The following COLEC10 variants were observed in gnomAD, a reference collection of about 807,000 sequenced individuals.
COLEC10 encodes collectin-10.
A neutral mutation model predicts 28.4 loss-of-function variants in COLEC10; 22 were observed. That is an observed-to-expected ratio of 0.78 (90% CI 0.55 to 1.11). The LOEUF is 1.11. Among genes scored for constraint, COLEC10 ranks in the 50% least tolerant of loss-of-function variants. The pLI, the probability that COLEC10 is intolerant of heterozygous loss-of-function variation, is 0.00. For missense variants in COLEC10, 361 were observed against 344.1 expected (o/e 1.05, Z -0.39); for synonymous variants, 125 against 116.1 (o/e 1.08, Z -0.49).
chr8:119,102,287 T>G lies in COLEC10; in HGVS notation c.293-61T>G. On this transcript the variant is annotated intron_variant, in intron 3 of 5. Transcript: ENST00000332843. ...TCATTCCCTTCCTTCCTTCCTTCCT[T>G]TTTTCCTTTCTTCTTTTATTTTAAT... 4 of 1,140,104 alleles carry G rather than the reference T, an allele frequency of 3.5e-6. No individual in the cohort carries two copies. The South Asian group carries it at 5.3e-5, about 15-fold the overall frequency. The allele number at this position is 1,140,104 out of a possible 1,614,324, so 70.6% of individuals were successfully genotyped here.
intron 2 of COLEC10, among the ~76,000 whole-genome samples, chr8:119,032,411 A>C (rs1814304697): frequency 6.6e-6 from 1 of 152,214 alleles, no homozygotes; most frequent in African/African-American, 2.4e-5. Context: ...GGACAGTCAC[A>C]TCACCAAAAG....
chr8:119,075,134 C>T (rs1393169590), intron 1 of COLEC10, among the ~76,000 whole-genome samples: 1 of 152,192 alleles, frequency 6.6e-6, no homozygotes, highest in East Asian at 1.9e-4. Flanking sequence ...TACAGGCAGG[C>T]TATTCTACTG....
intron 2 of COLEC10, among the ~76,000 whole-genome samples, chr8:119,013,377 C>T (rs1813933876): frequency 6.7e-6 from 1 of 150,360 alleles, no homozygotes; most frequent in Non-Finnish European, 1.5e-5. Flanking sequence ...TTTTATGGCA[C>T]AGAATGAAGT....
upstream of COLEC10, among the ~76,000 whole-genome samples, chr8:118,993,941 G>GACC (rs1813547703): frequency 6.6e-6 from 1 of 152,152 alleles, no homozygotes; most frequent in African/African-American, 2.4e-5. Flanking sequence ...TGATTCAGTA[G>GACC]ACCAAGGGAG....
At position 119,100,618 on chromosome 8, in the gene COLEC10, A is replaced by G. The variant is rs553173611; in HGVS notation, c.293-1730A>G. Among the ~76,000 whole-genome samples the G allele has an allele frequency of 7.2e-5, 11 of 152,304 alleles. No individual in the cohort carries two copies. The South Asian group carries it at 2.3e-3, about 32-fold the overall frequency. ...CCTGACCTTGTGCCCACTTTCATTC[A>G]GTTGCTGAAGCTTTTCATAGCGAAG... On this transcript the variant is annotated intron_variant, in intron 3 of 5. Transcript: ENST00000332843.
At chr8:118,957,302 G>A in the COLEC10 span, among the ~76,000 whole-genome samples, 1 of 152,198 alleles carries the variant, frequency 6.6e-6, no homozygotes, top group Non-Finnish European at 1.5e-5. Context: ...CTCTTCGGAT[G>A]GTGATAGGTC....
At chr8:118,997,819 A>G (rs765151851) in intron 1 of COLEC10, among the ~76,000 whole-genome samples, 3 of 152,206 alleles carry the variant, frequency 2.0e-5, no homozygotes, top group Non-Finnish European at 2.9e-5. Flanking sequence ...ATGTAAAGTT[A>G]TATACAGTAG....
intron 3 of COLEC10, among the ~76,000 whole-genome samples, chr8:119,100,599 C>T (rs74915277): frequency 3.0e-4 from 45 of 152,334 alleles, no homozygotes; most frequent in African/African-American, 1.1e-3. Flanking sequence ...TGAACCTGAC[C>T]TTGTGCCCAC....
At chr8:119,084,820 A>G (rs1815438868) in intron 1 of COLEC10, among the ~76,000 whole-genome samples, 1 of 152,230 alleles carries the variant, frequency 6.6e-6, no homozygotes. Flanking sequence ...AAATCTCAGT[A>G]ATGGGTTTTT....
At chr8:118,953,536 G>C in the COLEC10 span, among the ~76,000 whole-genome samples, 1 of 152,266 alleles carries the variant, frequency 6.6e-6, no homozygotes, top group East Asian at 1.9e-4. Context: ...CAATAACTGA[G>C]TCCTTCAGTG....
At chr8:118,996,733 G>C (rs1035561744) in intron 1 of COLEC10, among the ~76,000 whole-genome samples, 2 of 152,118 alleles carry the variant, frequency 1.3e-5, no homozygotes, top group Non-Finnish European at 2.9e-5. Flanking sequence ...AGGTTTAATC[G>C]GCTCATGGTT....
chr8:119,041,935 G>T (rs1814502728), intron 2 of COLEC10, among the ~76,000 whole-genome samples: 1 of 152,028 alleles, frequency 6.6e-6, no homozygotes, highest in African/African-American at 2.4e-5. Flanking sequence ...CACAGATTCA[G>T]ACTGGCCAGA....
At chr8:119,049,228 T>C (rs1394723315) in intron 2 of COLEC10, among the ~76,000 whole-genome samples, 2 of 152,104 alleles carry the variant, frequency 1.3e-5, no homozygotes, top group African/African-American at 2.4e-5. Flanking sequence ...GGTTTCCCTC[T>C]GTACATGACT....
At chr8:119,009,856 A>T (rs1344867436) in intron 2 of COLEC10, among the ~76,000 whole-genome samples, 1 of 150,536 alleles carries the variant, frequency 6.6e-6, no homozygotes, top group Non-Finnish European at 1.5e-5. Context: ...TTTAAAAAAA[A>T]ATAGACTTTA....
chr8:119,033,048 A>G (rs957850910), intron 2 of COLEC10, among the ~76,000 whole-genome samples: 2 of 152,150 alleles, frequency 1.3e-5, no homozygotes, highest in Admixed American at 6.5e-5. Context: ...CTGTGCAAAT[A>G]TGATAGAGTG....
chr8:119,078,990 TACACACAC>T (rs59453751), intron 1 of COLEC10, among the ~76,000 whole-genome samples: 1,901 of 143,032 alleles, frequency 0.013, 11 homozygotes, highest in South Asian at 0.03. Flanking sequence ...TGGGAAAACG[TACACACAC>T]ACACACACAC....
intron 1 of COLEC10, among the ~76,000 whole-genome samples, chr8:118,998,624 G>A (rs1173965655): frequency 6.6e-6 from 1 of 151,216 alleles, no homozygotes; most frequent in East Asian, 1.9e-4. Flanking sequence ...GGATCACGAG[G>A]TCAGGAGATC....
chr8:118,977,613 G>T, the COLEC10 span, among the ~76,000 whole-genome samples: 100 of 114,968 alleles, frequency 8.7e-4, no homozygotes, highest in Non-Finnish European at 1.6e-3. Context: ...GGTGGGGGGA[G>T]GGGGGAGGGA....
intron 1 of COLEC10, among the ~76,000 whole-genome samples, chr8:119,006,719 C>G: frequency 6.6e-6 from 1 of 152,022 alleles, no homozygotes; most frequent in East Asian, 2.0e-4. Flanking sequence ...ATGGATATTG[C>G]CTATCATCAT....
Sources: allele counts gnomAD v4.1 joint callset (sites outside exome capture counted in the v4.1 genomes callset), GRCh38; gene constraint gnomAD v4.1.1; transcripts MANE v1.5; gene names NCBI Gene and HGNC (gene_info 2026-07-23, HGNC 2026-07-21).